Variants in SCAPER observed in about 807,000 individuals in gnomAD.
SCAPER encodes the protein S-phase cyclin A associated protein in the ER.
A neutral mutation model predicts 182.2 loss-of-function variants in SCAPER; 98 were observed. That is an observed-to-expected ratio of 0.54 (90% CI 0.46 to 0.64). SCAPER has a LOEUF of 0.64. Among genes scored for constraint, SCAPER ranks in the 30% least tolerant of loss-of-function variants. The pLI is 0.00. For synonymous variants in SCAPER, 605 were observed against 564.6 expected, an observed-to-expected ratio of 1.07 and a Z score of -1.01; for missense variants, 1,432 against 1,690.0, an observed-to-expected ratio of 0.85 and a Z score of 2.68.
At chr15:76,496,762 C>T (rs2040586088) in intron 24 of SCAPER, among the ~76,000 whole-genome samples, 1 of 152,074 alleles carries the variant, frequency 6.6e-6, no homozygotes, top group Admixed American at 6.5e-5. Flanking sequence ...AAACGGTGGG[C>T]ATTTATTCAT....
At chr15:76,606,969 C>T (rs907411333) in intron 22 of SCAPER, among the ~76,000 whole-genome samples, 2 of 152,160 alleles carry the variant, frequency 1.3e-5, no homozygotes, top group Non-Finnish European at 2.9e-5. Flanking sequence ...ACTCTTTATC[C>T]AATTTGCCAG....
At chr15:76,432,684 G>A (rs541418663) in intron 26 of SCAPER, among the ~76,000 whole-genome samples, 1 of 152,336 alleles carries the variant, frequency 6.6e-6, no homozygotes, top group East Asian at 1.9e-4. Flanking sequence ...TGCCAAAGTA[G>A]GAGTAAATTT....
rs1031724949 is a variant in SCAPER, at chr15:76,574,268, T to C, written c.2728A>G (p.Lys910Glu). 3.7e-6 allele frequency: 6 copies of C among 1,611,624 alleles called. No homozygotes were observed. Among genetic ancestry groups the C allele is most frequent in the Non-Finnish European group, 4.2e-6 (5 of 1,178,738 alleles). The change falls in exon 23 of 32, where the codon AAA becomes GAA. Residue 910 changes from lysine to glutamate, a missense_variant. This residue lies in a region of SCAPER where 718 missense variants were observed against 799.7 expected (regional missense o/e 0.90). Coordinates refer to ENST00000563290, the MANE Select transcript of SCAPER (RefSeq NM_020843.4). ...PYKAKLQRLA[K>E]DLLKQVQVQD... The stretch of plus-strand genomic sequence containing the variant: ...ACTTGTACTTGTTTTAGAAGATCTT[T>C]GGCTAATCGCTGAAGCCTTTAATAC...
chr15:76,572,915 TCTCTCACACACA>T, intron 23 of SCAPER, among the ~76,000 whole-genome samples: 1 of 131,260 alleles, frequency 7.6e-6, no homozygotes, highest in East Asian at 2.3e-4. Context: ...TCTCTCTCTC[TCTCTCACACACA>T]CACACACACA....
chr15:76,607,198 T>G (rs1483662556), intron 22 of SCAPER, among the ~76,000 whole-genome samples: 2 of 151,640 alleles, frequency 1.3e-5, no homozygotes, highest in African/African-American at 4.8e-5. Flanking sequence ...AGGAGCTCTT[T>G]TAGGGCAGGC....
intron 8 of SCAPER, chr15:76,793,534 T>C (rs1013075109): frequency 5.3e-6 from 2 of 379,150 alleles, no homozygotes; most frequent in African/African-American, 2.1e-5. Flanking sequence ...GAAGTTTCTA[T>C]AAAAACCTTT....
intron 19 of SCAPER, 83 bp from the exon 20 acceptor site, chr15:76,701,948 ATG>A: frequency 2.3e-6 from 2 of 886,602 alleles, no homozygotes; most frequent in Non-Finnish European, 3.6e-6. Flanking sequence ...AGTATATGAT[ATG>A]TGAGTTGAGA....
intron 5 of SCAPER, among the ~76,000 whole-genome samples, chr15:76,810,538 C>CAA (rs1381646498): frequency 5.9e-4 from 63 of 107,250 alleles, no homozygotes; most frequent in African/African-American, 1.9e-3. Context: ...TCTAGCAATA[C>CAA]AAAAAAAAAA....
At chr15:76,646,962 A>G (rs563401682) in intron 21 of SCAPER, among the ~76,000 whole-genome samples, 59 of 152,296 alleles carry the variant, frequency 3.9e-4, no homozygotes, top group Admixed American at 1.3e-3. Context: ...GCAGACCATC[A>G]TGCCTTGAGC....
At chr15:76,353,855 T>C (rs376258649) in intron 30 of SCAPER, 94 bp downstream of exon 30, 12 of 1,108,304 alleles carry the variant, frequency 1.1e-5, no homozygotes, top group African/African-American at 8.3e-5. Context: ...AAAGGTAGTA[T>C]GGAAGGCAAA....
chr15:76,693,213 T>C (rs1358662696), intron 20 of SCAPER, among the ~76,000 whole-genome samples: 1 of 151,976 alleles, frequency 6.6e-6, no homozygotes, highest in Non-Finnish European at 1.5e-5. Context: ...TCCTAGAAAA[T>C]GAAAATTTAC....
At chr15:76,377,022 C>A (rs879185705) in intron 28 of SCAPER, among the ~76,000 whole-genome samples, 1 of 151,934 alleles carries the variant, frequency 6.6e-6, no homozygotes, top group Non-Finnish European at 1.5e-5. Flanking sequence ...ACAGACAGAG[C>A]GACAGGAGGG....
chr15:76,800,178 T>C (rs2065662160), intron 7 of SCAPER, 70 bp downstream of exon 7: 1 of 875,424 alleles, frequency 1.1e-6, no homozygotes, highest in Admixed American at 2.3e-5. Context: ...AATATCAGAA[T>C]CATAATACTA....
chr15:76,530,728 TATTA>T (rs2043585995), intron 23 of SCAPER, among the ~76,000 whole-genome samples: 1 of 152,116 alleles, frequency 6.6e-6, no homozygotes, highest in Non-Finnish European at 1.5e-5. Context: ...CACCATCATA[TATTA>T]ATTATGTACA....
intron 21 of SCAPER, among the ~76,000 whole-genome samples, chr15:76,627,697 T>C (rs2052716455): frequency 6.6e-6 from 1 of 152,346 alleles, no homozygotes; most frequent in Non-Finnish European, 1.5e-5. Flanking sequence ...TTATCGTTGA[T>C]GGGCATTTGG....
At chr15:76,753,692 C>G in intron 15 of SCAPER, 116 bp downstream of exon 15, 1 of 1,175,724 alleles carries the variant, frequency 8.5e-7, no homozygotes, top group Admixed American at 2.5e-5. Context: ...GTGTAAAATG[C>G]TGTTATTCTA....
chr15:76,361,419 C>T (rs1031576189), intron 29 of SCAPER, among the ~76,000 whole-genome samples: 4 of 152,214 alleles, frequency 2.6e-5, no homozygotes, highest in Admixed American at 1.3e-4. Flanking sequence ...TTCTTGCCTT[C>T]ACCGAGTGCC....
rs377721852 is a variant in SCAPER at position 76,774,865 on chromosome 15, T to C, written c.1025A>G (p.Glu342Gly). 11 of 1,610,530 alleles carry C rather than the reference T, an allele frequency of 6.8e-6. No individual in the cohort carries two copies. In the African/African-American group the frequency reaches 1.1e-4, roughly 16 times the overall value. ...SLHSCDHPLA[E>G]KTQFTVSTLD... ...TTCAGAATGTACTACCTGGGTTTTT[T>C]CGGCAAGAGGATGGTCACAAGAGTG... The change falls in exon 9 of 32, where the codon GAA becomes GGA. Residue 342 changes from glutamate to glycine, a missense_variant. Glu to Gly is a moderately conservative substitution (Grantham distance 98, BLOSUM62 -2). Around this residue, in one of 5 missense-constraint regions of SCAPER, gnomAD observed 480 missense variants for 510.2 expected, o/e 0.94. Coordinates refer to ENST00000563290, the MANE Select transcript of SCAPER (RefSeq NM_020843.4).
chr15:76,600,436 T>C lies in SCAPER; in HGVS notation c.2711+21328A>G, dbSNP rs2049840150. ...GTGTGTGTGTGTGTGTGTGTATACA[T>C]ATACATATATATATATATTTTTTTT... On this transcript the variant is annotated intron_variant, in intron 22 of 31. Transcript: ENST00000563290. Among the ~76,000 whole-genome samples the C allele has an allele frequency of 2.8e-5, 2 of 72,422 alleles. 1 individual carries two copies. Among genetic ancestry groups the C allele is most frequent in the South Asian group, 9.1e-4 (2 of 2,208 alleles). 47.5% of individuals were successfully genotyped at this position (72,422 alleles called of 152,430 possible). A position where few individuals can be genotyped will look rare whatever the true frequency, so the allele number is the denominator to read the frequency against.
Sources: gnomAD v4.1 joint callset for allele counts (sites outside exome capture counted in the v4.1 genomes callset) on GRCh38, gnomAD v4.1.1 for gene constraint, gnomAD v4.1.1 regional missense constraint, MANE v1.5 for transcripts, NCBI Gene and HGNC (gene_info 2026-07-23, HGNC 2026-07-21) for gene names.